Variants in FAM185A observed in about 807,000 individuals in gnomAD.
FAM185A encodes protein FAM185A.
FAM185A carries 21 observed loss-of-function variants against 45.7 expected under a neutral mutation model. The observed-to-expected ratio is 0.46, with a 90% CI of 0.33 to 0.66. The LOEUF (loss-of-function observed/expected upper bound fraction) is 0.66. Among genes scored for constraint, FAM185A ranks in the 30% least tolerant of loss-of-function variants. The probability of loss-of-function intolerance (pLI) is 0.03; values close to 1 mark genes in which losing one functional copy is unlikely to be tolerated. For missense variants in FAM185A, 305 were observed against 485.4 expected, an observed-to-expected ratio of 0.63 and a Z score of 3.49; for synonymous variants, 117 against 194.0, an observed-to-expected ratio of 0.60 and a Z score of 3.30.
intron 5 of FAM185A, among the ~76,000 whole-genome samples, chr7:102,776,318 AAG>A: frequency 6.6e-6 from 1 of 151,888 alleles, no homozygotes. Context: ...CCATGGGAGA[AAG>A]AGAAGAAGGA....
chr7:102,824,832 C>T, the FAM185A span, among the ~76,000 whole-genome samples: 6 of 148,560 alleles, frequency 4.0e-5, no homozygotes, highest in Non-Finnish European at 8.9e-5. Flanking sequence ...CCATGTTTCC[C>T]AGGCTGGCCT....
chr7:102,751,328 G>C (rs1301021159), intron 1 of FAM185A, among the ~76,000 whole-genome samples: 1 of 152,120 alleles, frequency 6.6e-6, no homozygotes, highest in African/African-American at 2.4e-5. Flanking sequence ...CATTTTTTAA[G>C]TATGAAAGGT....
chr7:102,826,688 A>G, the FAM185A span, among the ~76,000 whole-genome samples: 1 of 134,872 alleles, frequency 7.4e-6, no homozygotes, highest in Non-Finnish European at 1.6e-5. Flanking sequence ...CTGCACCACT[A>G]TACTACAGCC....
chr7:102,837,716 T>A, the FAM185A span, among the ~76,000 whole-genome samples: 1 of 152,286 alleles, frequency 6.6e-6, no homozygotes, highest in Admixed American at 6.5e-5. Context: ...GCTCATTTTT[T>A]AATTTTTATA....
At chr7:102,815,195 C>T in the FAM185A span, among the ~76,000 whole-genome samples, 4 of 152,172 alleles carry the variant, frequency 2.6e-5, no homozygotes, top group African/African-American at 9.7e-5. Flanking sequence ...TTGGAAATGG[C>T]TCAAACCCAG....
chr7:102,834,099 A>G, the FAM185A span, among the ~76,000 whole-genome samples: 852 of 96,320 alleles, frequency 8.8e-3, 10 homozygotes, highest in Non-Finnish European at 0.011. Context: ...AGAAAGAAAG[A>G]AAGAAAGAAA....
At position 102,778,140 on chromosome 7, in the gene FAM185A, G is replaced by A. The variant is rs556874869; in HGVS notation, c.931+792G>A. On this transcript the variant is annotated intron_variant, in intron 6 of 7. Coordinates refer to ENST00000413034, the MANE Select transcript of FAM185A (RefSeq NM_001145268.2). ...AACAAGGAAAATATTTCCTCACAGA[G>A]ACTGATTGTTCCTGCTATTAGTAGT... Among the ~76,000 whole-genome samples, 988 of 152,280 alleles carry A rather than the reference G, an allele frequency of 6.5e-3. 5 individuals are homozygous for A. Among genetic ancestry groups the A allele is most frequent in the African/African-American group, 0.022 (932 of 41,542 alleles).
At chr7:102,823,535 C>T in the FAM185A span, among the ~76,000 whole-genome samples, 2 of 152,214 alleles carry the variant, frequency 1.3e-5, no homozygotes, top group Admixed American at 1.3e-4. Flanking sequence ...ACAGTTTTGC[C>T]CAGATGTCCT....
intron 4 of FAM185A, among the ~76,000 whole-genome samples, 186 bp downstream of exon 4, chr7:102,761,597 G>A (rs1794109287): frequency 6.7e-6 from 1 of 149,964 alleles, no homozygotes; most frequent in Non-Finnish European, 1.5e-5. Context: ...AATTTTATTT[G>A]TGCAAGAGAT....
At chr7:102,850,099 TA>T in the FAM185A span, among the ~76,000 whole-genome samples, 2 of 152,184 alleles carry the variant, frequency 1.3e-5, no homozygotes, top group African/African-American at 4.8e-5. Context: ...TGTCAGTTTG[TA>T]AAAGATTAAA....
intron 7 of FAM185A, among the ~76,000 whole-genome samples, chr7:102,805,188 C>T (rs980194028): frequency 9.9e-5 from 15 of 152,018 alleles, no homozygotes; most frequent in Non-Finnish European, 1.9e-4. Context: ...GGGTATCTAC[C>T]CAGAGGAAAA....
chr7:102,763,655 C>T (rs1274099258), intron 4 of FAM185A, among the ~76,000 whole-genome samples: 1 of 152,128 alleles, frequency 6.6e-6, no homozygotes, highest in African/African-American at 2.4e-5. Context: ...GATCTTGGGC[C>T]GAAGTGACTC....
chr7:102,780,124 GA>G (rs760097260), intron 6 of FAM185A, among the ~76,000 whole-genome samples: 81 of 152,080 alleles, frequency 5.3e-4, no homozygotes, highest in Middle Eastern at 3.4e-3. Flanking sequence ...CTCCAGTTAG[GA>G]AGACCAAGAA....
intron 7 of FAM185A, among the ~76,000 whole-genome samples, chr7:102,799,473 C>T (rs1796644206): frequency 6.6e-6 from 1 of 152,230 alleles, no homozygotes; most frequent in Non-Finnish European, 1.5e-5. Flanking sequence ...TGGTACAAAG[C>T]ATCTAGCACC....
the FAM185A span, among the ~76,000 whole-genome samples, chr7:102,843,790 A>C: frequency 6.6e-6 from 1 of 152,182 alleles, no homozygotes; most frequent in Non-Finnish European, 1.5e-5. Context: ...AAAAAAATAA[A>C]ATAATAAAAA....
chr7:102,819,309 C>A, the FAM185A span, among the ~76,000 whole-genome samples: 2 of 152,090 alleles, frequency 1.3e-5, no homozygotes, highest in Non-Finnish European at 2.9e-5. Context: ...AATAAAGGAG[C>A]CTTTATCTTG....
the FAM185A span, chr7:102,832,950 A>C: frequency 6.2e-7 from 1 of 1,614,212 alleles, no homozygotes; most frequent in Middle Eastern, 1.6e-4. Context: ...AAATGTTCCA[A>C]GATCAGTGAG....
At chr7:102,827,773 A>G in the FAM185A span, among the ~76,000 whole-genome samples, 69,555 of 151,726 alleles carry the variant, frequency 0.46, 17,828 homozygotes, top group African/African-American at 0.7. Flanking sequence ...GAGAACATGC[A>G]GTGTTTGGTT....
intron 3 of FAM185A, among the ~76,000 whole-genome samples, chr7:102,760,586 T>C (rs1030915773): frequency 6.6e-6 from 1 of 152,012 alleles, no homozygotes; most frequent in Non-Finnish European, 1.5e-5. Context: ...CTGATAAAAA[T>C]TATTTTAAAA....
Sources: allele counts gnomAD v4.1 joint callset (sites outside exome capture counted in the v4.1 genomes callset), GRCh38; gene constraint gnomAD v4.1.1; transcripts MANE v1.5; gene names NCBI Gene and HGNC (gene_info 2026-07-23, HGNC 2026-07-21).